PKHD1: variants seen among roughly 807,000 people sequenced by gnomAD.
The protein encoded by PKHD1 is PKHD1 ciliary IPT domain containing fibrocystin/polyductin.
In PKHD1, 291 loss-of-function variants were observed where a neutral mutation model predicts 412.0. That is an observed-to-expected ratio of 0.71 (90% CI 0.64 to 0.78). The LOEUF is 0.78. Ranked by LOEUF, PKHD1 falls within the 30% of genes least tolerant of loss-of-function variation. PKHD1 has a pLI of 0.00. For synonymous variants in PKHD1, 1,777 were observed against 1,821.5 expected, an observed-to-expected ratio of 0.98 and a Z score of 0.62; for missense variants, 4,825 against 4,950.7, an observed-to-expected ratio of 0.97 and a Z score of 0.76.
chr6:51,670,914 T>A (rs1298219452), intron 60 of PKHD1, among the ~76,000 whole-genome samples: 3 of 152,006 alleles, frequency 2.0e-5, no homozygotes, highest in African/African-American at 7.2e-5. Context: ...TGCCGAGAGA[T>A]CTGCTGGTAG....
chr6:51,873,500 T>C (rs1197928986), intron 46 of PKHD1, among the ~76,000 whole-genome samples: 2 of 152,234 alleles, frequency 1.3e-5, no homozygotes, highest in Non-Finnish European at 1.5e-5. Context: ...TTCTTGTTCT[T>C]AGTTGTATAC....
intron 3 of PKHD1, 101 bp from the exon 4 acceptor site, chr6:52,082,643 T>C: frequency 8.5e-7 from 1 of 1,170,888 alleles, no homozygotes; most frequent in Admixed American, 1.8e-5. Context: ...AGACATTAAA[T>C]TTGCCCAAGG....
At position 51,787,617 on chromosome 6, in the gene PKHD1, A is replaced by G. The variant is rs149989833; in HGVS notation, c.8440+3619T>C. On this transcript the variant is annotated intron_variant, in intron 53 of 66. Coordinates refer to ENST00000371117, the MANE Select transcript of PKHD1 (RefSeq NM_138694.4). ...AGCATTGGGCAGATGGGTTCCAATAACCTACCTTTAGGCCTGGAACACATG... is the reference window on the plus strand; with the variant it reads ...AGCATTGGGCAGATGGGTTCCAATAGCCTACCTTTAGGCCTGGAACACATG... Among the ~76,000 whole-genome samples, 229 of 152,298 alleles carry G rather than the reference A, an allele frequency of 1.5e-3. 2 individuals are homozygous for G. The highest frequency in any genetic ancestry group is 5.2e-3 in the African/African-American group (217 of 41,570).
At chr6:51,923,865 T>C (rs117275929) in intron 37 of PKHD1, among the ~76,000 whole-genome samples, 3 of 152,158 alleles carry the variant, frequency 2.0e-5, no homozygotes, top group Admixed American at 6.6e-5. Context: ...ACCAGCTATG[T>C]GTACACAAAA....
At chr6:52,070,632 T>C (rs1373316131) in intron 9 of PKHD1, among the ~76,000 whole-genome samples, 187 bp from the exon 10 acceptor site, 1 of 151,500 alleles carries the variant, frequency 6.6e-6, no homozygotes, top group East Asian at 1.9e-4. Flanking sequence ...AAAAAACACC[T>C]CATAAGTTTA....
intron 48 of PKHD1, among the ~76,000 whole-genome samples, chr6:51,861,509 T>C (rs1774181832): frequency 3.3e-5 from 5 of 152,216 alleles, no homozygotes; most frequent in Admixed American, 3.3e-4. Flanking sequence ...ATCTTCTGAG[T>C]ATTTGTGCTT....
chr6:51,897,480 A>G (rs979834844), intron 43 of PKHD1, among the ~76,000 whole-genome samples: 2 of 150,796 alleles, frequency 1.3e-5, no homozygotes, highest in African/African-American at 2.5e-5. Context: ...TTTTGTCACC[A>G]CCAGGCCTGC....
intron 60 of PKHD1, among the ~76,000 whole-genome samples, chr6:51,666,371 C>T (rs1773775575): frequency 6.6e-6 from 1 of 152,042 alleles, no homozygotes; most frequent in South Asian, 2.1e-4. Context: ...TGTTGTATTG[C>T]TTCTTCATAT....
intron 35 of PKHD1, among the ~76,000 whole-genome samples, chr6:51,969,815 T>C (rs1402580994): frequency 6.6e-6 from 1 of 152,120 alleles, no homozygotes; most frequent in Non-Finnish European, 1.5e-5. Context: ...ATACACACCA[T>C]ATTTTCTTTA....
At position 51,615,787 on chromosome 6, in the gene PKHD1, G is replaced by C. The variant is rs1022163599; in HGVS notation, c.*3294C>G. 5 of 152,160 alleles carry C rather than the reference G, an allele frequency of 3.3e-5. No individual in the cohort carries two copies. The highest frequency in any genetic ancestry group is 5.9e-5 in the Non-Finnish European group (4 of 68,028). The allele number at this position is 152,160 out of a possible 1,614,324, so 9.4% of individuals were successfully genotyped here. The stretch of plus-strand genomic sequence containing the variant: ...GTTGAAAGGGGAAGGCCCTGAGAGA[G>C]CTCAACTGTTCTTGGTCCTTGGTGG... On this transcript the variant is annotated 3_prime_UTR_variant, in exon 67 of 67. Coordinates refer to ENST00000371117, the MANE Select transcript of PKHD1 (RefSeq NM_138694.4).
rs186907984 is a variant in PKHD1, at chr6:52,013,740, T to A, written c.5601-3281A>T. Among the ~76,000 whole-genome samples, 433 of 152,314 alleles carry A rather than the reference T, an allele frequency of 2.8e-3. 4 individuals carry two copies. The highest frequency in any genetic ancestry group is 9.5e-3 in the African/African-American group (395 of 41,572). Reference sequence around the variant, plus strand: ...TGGGTAAAAATGGTGGCAAAGATTGTTCTAGTATCTAAGACTCCTGACTCC... The same window carrying A: ...TGGGTAAAAATGGTGGCAAAGATTGATCTAGTATCTAAGACTCCTGACTCC... On this transcript the variant is annotated intron_variant, in intron 34 of 66. Transcript: ENST00000371117.
intron 55 of PKHD1, among the ~76,000 whole-genome samples, chr6:51,769,854 G>C (rs1394938660): frequency 6.6e-6 from 1 of 151,264 alleles, no homozygotes; most frequent in Non-Finnish European, 1.5e-5. Flanking sequence ...TTACTTCCCA[G>C]CTATTCTGTT....
chr6:51,899,863 T>C (rs1234724639), intron 43 of PKHD1, among the ~76,000 whole-genome samples: 1 of 152,168 alleles, frequency 6.6e-6, no homozygotes, highest in African/African-American at 2.4e-5. Context: ...AGCATTCTTA[T>C]ACACCAACAA....
chr6:52,048,601 T>G lies in PKHD1; in HGVS notation c.2298A>C (p.Gly766=). The change falls in exon 23 of 67, where the codon GGA becomes GGC. Residue 766 remains glycine, a synonymous_variant. Transcript: ENST00000371117. ...GGACCAGTCCAGATCCCTCTTCTGT[T>G]CCTTCAGTGGGCACAGAGCTGTGGC... is the stretch of plus-strand genomic sequence containing the variant. ...LITARSVPTE[G]TEEGSGLVLV... 1 of 1,614,012 alleles carries G rather than the reference T, an allele frequency of 6.2e-7. No homozygotes were observed. The highest frequency in any genetic ancestry group is 8.5e-7 in the Non-Finnish European group (1 of 1,179,894).
chr6:52,034,769 A>C lies in PKHD1; in HGVS notation c.3228+822T>G, dbSNP rs1228766835. ...GTGTCTGGTAATAAGGAATAGTTAA[A>C]CAAATTAGAGTACAACCACATATTG... On this transcript the variant is annotated intron_variant, in intron 28 of 66. Transcript: ENST00000371117. Among the ~76,000 whole-genome samples the C allele has an allele frequency of 2.6e-5, 4 of 152,074 alleles. No homozygotes were observed. In the East Asian group the frequency reaches 7.7e-4, roughly 29 times the overall value.
At chr6:51,906,557 GA>G (rs934726842) in intron 40 of PKHD1, among the ~76,000 whole-genome samples, 17 of 141,774 alleles carry the variant, frequency 1.2e-4, no homozygotes, top group South Asian at 6.7e-4. Flanking sequence ...TCAAGTGTTA[GA>G]AAAAAAAAAA....
At chr6:52,052,114 T>C (rs1397907101) in intron 21 of PKHD1, among the ~76,000 whole-genome samples, 2 of 152,168 alleles carry the variant, frequency 1.3e-5, no homozygotes, top group East Asian at 3.8e-4. Context: ...AGTTGTACAT[T>C]TTCTAAATCA....
chr6:52,060,890 A>C (rs1379018030), intron 14 of PKHD1, among the ~76,000 whole-genome samples: 1 of 152,190 alleles, frequency 6.6e-6, no homozygotes, highest in African/African-American at 2.4e-5. Context: ...TTAATTTTTT[A>C]ATTTAAAATT....
intron 53 of PKHD1, among the ~76,000 whole-genome samples, chr6:51,786,886 G>A (rs1195038863): frequency 3.3e-5 from 5 of 152,190 alleles, no homozygotes; most frequent in Non-Finnish European, 7.4e-5. Context: ...TATCTTAACT[G>A]TTTTATCAGA....
Sources: allele counts gnomAD v4.1 joint callset (sites outside exome capture counted in the v4.1 genomes callset), GRCh38; gene constraint gnomAD v4.1.1; transcripts MANE v1.5; gene names NCBI Gene and HGNC (gene_info 2026-07-23, HGNC 2026-07-21).